Variants in RERE observed in about 807,000 individuals in gnomAD.
The protein encoded by RERE is arginine-glutamic acid dipeptide repeats.
A neutral mutation model predicts 146.1 loss-of-function variants in RERE; 40 were observed. The observed-to-expected ratio is 0.27, with a 90% CI of 0.21 to 0.36. The LOEUF (loss-of-function observed/expected upper bound fraction) is 0.36. Among genes scored for constraint, RERE ranks in the 10% least tolerant of loss-of-function variants. RERE has a pLI of 1.00. For missense variants in RERE, 1,933 were observed against 2,138.7 expected (o/e 0.90, Z 1.90); for synonymous variants, 1,003 against 866.0 (o/e 1.16, Z -2.78).
intron 1 of RERE, among the ~76,000 whole-genome samples, chr1:8,756,174 A>G (rs1165629326): frequency 1.3e-5 from 2 of 152,166 alleles, no homozygotes; most frequent in African/African-American, 4.8e-5. Context: ...AAAATAATCA[A>G]ATTGTCAATT....
Position 8,355,603 on chromosome 1 carries a change from C to T in RERE, c.4487-4G>A, listed in dbSNP as rs1314363454. 4 of 1,566,804 alleles carry T rather than the reference C, an allele frequency of 2.6e-6. No homozygotes were observed. The South Asian group carries it at 4.7e-5, about 18-fold the overall frequency. Reference sequence around the variant, plus strand: ...AGGTCACGGGGGTAGGGGGTGCCTGCCGAACACAAAACAACCTGCGCTACA... The same window carrying T: ...AGGTCACGGGGGTAGGGGGTGCCTGTCGAACACAAAACAACCTGCGCTACA... On this transcript the variant is annotated splice_region_variant and splice_polypyrimidine_tract_variant and intron_variant, in intron 21 of 22. Coordinates refer to ENST00000400908, the MANE Select transcript of RERE (RefSeq NM_001042681.2).
rs1447048485 is a variant in RERE, at chr1:8,586,793, A to G, written c.522+27768T>C. Among the ~76,000 whole-genome samples the G allele has an allele frequency of 7.1e-5, 3 of 42,298 alleles. No individual in the cohort carries two copies. In the East Asian group the frequency reaches 5.7e-3, roughly 81 times the overall value. The allele number at this position is 42,298 out of a possible 152,430, so 27.7% of individuals were successfully genotyped here. On this transcript the variant is annotated intron_variant, in intron 4 of 22. Coordinates refer to ENST00000400908, the MANE Select transcript of RERE (RefSeq NM_001042681.2). ...TCCAAACCAAAAGAACTAAATTAGAAAATGTATGTTAAGAAAATAGAAACA... is the reference window on the plus strand; with the variant it reads ...TCCAAACCAAAAGAACTAAATTAGAGAATGTATGTTAAGAAAATAGAAACA...
chr1:8,633,446 C>T (rs111310767), intron 2 of RERE, among the ~76,000 whole-genome samples: 4,977 of 151,160 alleles, frequency 0.033, 114 homozygotes, highest in Non-Finnish European at 0.052. Context: ...TGCGCACGCA[C>T]ACACACAGAC....
In RERE at chr1:8,361,163, A is replaced by T. The variant is rs753831406; in HGVS notation, c.2344T>A (p.Ser782Thr). The T allele has an allele frequency of 1.4e-6, 2 of 1,449,634 alleles. No individual in the cohort carries two copies. Among genetic ancestry groups the T allele is most frequent in the South Asian group, 2.9e-5 (2 of 69,298 alleles). 89.8% of individuals were successfully genotyped at this position (1,449,634 alleles called of 1,614,324 possible). A position where few individuals can be genotyped will look rare whatever the true frequency, so the allele number is the denominator to read the frequency against. Residue 782 changes from serine (S) to threonine (T), a missense_variant, in exon 18 of 23, where the codon TCC becomes ACC. Ser to Thr is a moderately conservative substitution (Grantham distance 58). Coordinates refer to ENST00000400908, the MANE Select transcript of RERE (RefSeq NM_001042681.2). ...GCCTGTGGCTGGTTAGGGGCCTGGG[A>T]GGCCGTGGGGGAGCCCTGTGGGGGA... ...AVPPQGSPTA[S>T]QAPNQPQAPT...
At position 8,656,034 on chromosome 1, in the gene RERE, C is replaced by T. The variant is rs1224474781; in HGVS notation, c.264G>A (p.Arg88=). 3 of 1,614,038 alleles carry T rather than the reference C, an allele frequency of 1.9e-6. No individual in the cohort carries two copies. The highest frequency in any genetic ancestry group is 2.5e-6 in the Non-Finnish European group (3 of 1,180,028). The change falls in exon 2 of 23, where the codon AGG becomes AGA. Residue 88 remains arginine, a synonymous_variant. Coordinates refer to ENST00000400908, the MANE Select transcript of RERE (RefSeq NM_001042681.2). ...KPPKKKSRYE[R]TDTGEITSYI... is the part of the protein sequence containing the mutation. ...AGGATGTTATCTCACCGGTATCTGT[C>T]CTTTCATAACGAGACTTTTTTTTCG...
intron 10 of RERE, among the ~76,000 whole-genome samples, chr1:8,488,168 A>G (rs1250692171): frequency 6.6e-6 from 1 of 152,040 alleles, no homozygotes; most frequent in South Asian, 2.1e-4. Context: ...CAATATTGTT[A>G]GGATGTCAGT....
intron 1 of RERE, among the ~76,000 whole-genome samples, chr1:8,809,466 T>G (rs2124604582): frequency 1.3e-5 from 2 of 152,316 alleles, no homozygotes; most frequent in Admixed American, 1.3e-4. Flanking sequence ...GACAATAATC[T>G]GCTTTAAAAT....
chr1:8,624,887 A>T (rs1646956230), intron 2 of RERE, among the ~76,000 whole-genome samples: 1 of 152,238 alleles, frequency 6.6e-6, no homozygotes, highest in Non-Finnish European at 1.5e-5. Flanking sequence ...CTTTTCAACT[A>T]ATCAAAAAGA....
chr1:8,500,735 G>C (rs1304861871), intron 8 of RERE, among the ~76,000 whole-genome samples: 2 of 151,776 alleles, frequency 1.3e-5, no homozygotes, highest in Non-Finnish European at 2.9e-5. Flanking sequence ...GAGCGTCTCT[G>C]CCCGGCCGCC....
intron 1 of RERE, among the ~76,000 whole-genome samples, chr1:8,688,982 T>A (rs1432110493): frequency 6.6e-6 from 1 of 152,160 alleles, no homozygotes; most frequent in Non-Finnish European, 1.5e-5. Flanking sequence ...CTGGAAACCA[T>A]TGATTTGTAT....
At chr1:8,440,766 C>T (rs1479209400) in intron 11 of RERE, among the ~76,000 whole-genome samples, 1 of 149,844 alleles carries the variant, frequency 6.7e-6, no homozygotes, top group Non-Finnish European at 1.5e-5. Flanking sequence ...CATGGTGGTA[C>T]ATGCCTGTAG....
chr1:8,358,186 G>C lies in RERE; in HGVS notation c.4339+10C>G. The C allele has an allele frequency of 6.3e-7, 1 of 1,579,696 alleles. No individual in the cohort carries two copies. The highest frequency in any genetic ancestry group is 8.7e-7 in the Non-Finnish European group (1 of 1,155,506). On this transcript the variant is annotated intron_variant, in intron 20 of 22. Transcript: ENST00000400908. Reference sequence around the variant, plus strand: ...TGCCTCTGTCCCACCTGCCACGCTGGGGCACGCACCTTGGTGGAGGGGGTC... The same window carrying C: ...TGCCTCTGTCCCACCTGCCACGCTGCGGCACGCACCTTGGTGGAGGGGGTC...
chr1:8,512,011 ACT>A (rs1645344026), intron 7 of RERE: 4 of 51,246 alleles, frequency 7.8e-5, no homozygotes, highest in Non-Finnish European at 1.7e-4. Context: ...TGTAGGAAAC[ACT>A]CTTTTTTTTT....
intron 11 of RERE, among the ~76,000 whole-genome samples, chr1:8,441,383 C>T (rs894415698): frequency 2.0e-5 from 3 of 152,334 alleles, no homozygotes; most frequent in African/African-American, 7.2e-5. Flanking sequence ...CCACTGCCCC[C>T]CTCTCACTTC....
chr1:8,673,837 G>A (rs1234659155), intron 1 of RERE, among the ~76,000 whole-genome samples: 1 of 152,122 alleles, frequency 6.6e-6, no homozygotes, highest in Non-Finnish European at 1.5e-5. Context: ...GAGCCCAGGA[G>A]TTTGAGATCA....
At chr1:8,751,777 TAAAAAA>T (rs144355478) in intron 1 of RERE, among the ~76,000 whole-genome samples, 40 of 141,438 alleles carry the variant, frequency 2.8e-4, no homozygotes, top group African/African-American at 7.5e-4. Context: ...CCTTTCACTT[TAAAAAA>T]AAAAAAAAAA....
At chr1:8,618,163 G>A (rs1646878179) in intron 3 of RERE, among the ~76,000 whole-genome samples, 1 of 152,160 alleles carries the variant, frequency 6.6e-6, no homozygotes, top group Non-Finnish European at 1.5e-5. Context: ...TGAATAAAAA[G>A]CATAAACCTA....
intron 1 of RERE, among the ~76,000 whole-genome samples, chr1:8,658,277 T>C (rs1557463042): frequency 6.6e-6 from 1 of 152,236 alleles, no homozygotes; most frequent in Admixed American, 6.5e-5. Context: ...AGAAAACTCA[T>C]GGTCCTTGTT....
chr1:8,431,086 C>G (rs796259318), intron 11 of RERE, among the ~76,000 whole-genome samples: 2 of 152,314 alleles, frequency 1.3e-5, no homozygotes, highest in East Asian at 3.9e-4. Context: ...ACTACTGGCA[C>G]AAGTAAAACT....
Sources: allele counts gnomAD v4.1 joint callset (sites outside exome capture counted in the v4.1 genomes callset), GRCh38; gene constraint gnomAD v4.1.1; transcripts MANE v1.5; gene names NCBI Gene and HGNC (gene_info 2026-07-23, HGNC 2026-07-21).